The following SGCD variants were observed in gnomAD, a reference collection of about 807,000 sequenced individuals.
The protein encoded by SGCD is delta-sarcoglycan.
SGCD carries 18 observed loss-of-function variants against 36.6 expected under a neutral mutation model. The ratio of observed to expected loss-of-function variants is 0.49; its 90% CI spans 0.34 to 0.73. The LOEUF is 0.73. SGCD is among the 30% of genes least tolerant of loss of function. The pLI, the probability that SGCD is intolerant of heterozygous loss-of-function variation, is 0.01. For missense variants in SGCD, 387 were observed against 346.7 expected (o/e 1.12, Z -0.92); for synonymous variants, 133 against 130.6 (o/e 1.02, Z -0.12).
chr5:156,605,963 A>T (rs1163186694), intron 6 of SGCD, among the ~76,000 whole-genome samples: 1 of 152,176 alleles, frequency 6.6e-6, no homozygotes, highest in African/African-American at 2.4e-5. Flanking sequence ...TCAGATGAGT[A>T]GATTGCAAAT....
chr5:156,117,349 T>A (rs535731692), intron 1 of SGCD, among the ~76,000 whole-genome samples: 1 of 152,224 alleles, frequency 6.6e-6, no homozygotes, highest in South Asian at 2.1e-4. Context: ...ATTGTATTAA[T>A]TCAAGTCCCC....
chr5:156,080,238 C>T (rs546027430), intron 1 of SGCD, among the ~76,000 whole-genome samples: 1 of 152,190 alleles, frequency 6.6e-6, no homozygotes, highest in Non-Finnish European at 1.5e-5. Flanking sequence ...AGTGCAGTGG[C>T]ACCCCAGGCC....
chr5:156,561,091 T>C (rs771983650), intron 4 of SGCD, among the ~76,000 whole-genome samples: 2 of 152,194 alleles, frequency 1.3e-5, no homozygotes, highest in East Asian at 1.9e-4. Context: ...ATGAAGGATA[T>C]GATTGAATTC....
intron 3 of SGCD, among the ~76,000 whole-genome samples, chr5:156,345,707 G>A (rs543377402): frequency 1.3e-5 from 2 of 151,886 alleles, no homozygotes; most frequent in Admixed American, 6.6e-5. Context: ...AACAAACCAA[G>A]AAACAAACCA....
At chr5:156,123,827 G>C (rs1762107615) in intron 2 of SGCD, 1 of 151,914 alleles carries the variant, frequency 6.6e-6, no homozygotes, top group African/African-American at 2.4e-5. Context: ...TTTCTTTATG[G>C]ACATTGTCTT....
At chr5:156,177,194 G>A (rs1763496208) in intron 3 of SGCD, among the ~76,000 whole-genome samples, 2 of 151,930 alleles carry the variant, frequency 1.3e-5, no homozygotes, top group African/African-American at 4.8e-5. Flanking sequence ...TAGAGACGGG[G>A]TTTTACCATG....
chr5:155,782,026 C>CT, the SGCD span, among the ~76,000 whole-genome samples: 188 of 122,914 alleles, frequency 1.5e-3, 1 homozygote, highest in South Asian at 3.3e-3. Context: ...TTTTTCTTTT[C>CT]TTTTTTTTTT....
intron 3 of SGCD, among the ~76,000 whole-genome samples, chr5:156,275,315 G>T (rs1161631793): frequency 6.6e-6 from 1 of 152,040 alleles, no homozygotes; most frequent in Non-Finnish European, 1.5e-5. Flanking sequence ...AAAATGCCAG[G>T]ATTTCTATGT....
chr5:156,719,502 G>A (rs1261296789), intron 7 of SGCD, among the ~76,000 whole-genome samples: 2 of 152,116 alleles, frequency 1.3e-5, no homozygotes, highest in Non-Finnish European at 2.9e-5. Flanking sequence ...ATTAGAGATT[G>A]TAACCTGAAT....
chr5:155,769,487 A>G, the SGCD span, among the ~76,000 whole-genome samples: 4 of 151,968 alleles, frequency 2.6e-5, no homozygotes, highest in Non-Finnish European at 5.9e-5. Context: ...GAGGGAGAAC[A>G]TGCCAGAGGA....
chr5:156,223,192 A>G (rs1764762028), intron 3 of SGCD, among the ~76,000 whole-genome samples: 1 of 152,104 alleles, frequency 6.6e-6, no homozygotes, highest in Non-Finnish European at 1.5e-5. Context: ...CAAAGGAAGT[A>G]AGGACTTCTG....
At chr5:156,313,749 G>A (rs1272472358) in intron 3 of SGCD, among the ~76,000 whole-genome samples, 4 of 152,004 alleles carry the variant, frequency 2.6e-5, no homozygotes, top group Admixed American at 6.6e-5. Context: ...TGCTGAAGTG[G>A]TAGGTATCTC....
At chr5:155,928,035 T>C (rs907022751) in intron 1 of SGCD, among the ~76,000 whole-genome samples, 10 of 152,226 alleles carry the variant, frequency 6.6e-5, no homozygotes, top group Non-Finnish European at 1.2e-4. Context: ...TGCAGCATTA[T>C]AGAATGAAAT....
intron 7 of SGCD, among the ~76,000 whole-genome samples, chr5:156,651,238 C>A (rs192304590): frequency 5.5e-4 from 84 of 152,136 alleles, no homozygotes; most frequent in African/African-American, 2.0e-3. Flanking sequence ...ATAATATTTT[C>A]TTCCATTTTG....
At chr5:156,702,607 T>C (rs1754569845) in intron 7 of SGCD, among the ~76,000 whole-genome samples, 1 of 152,192 alleles carries the variant, frequency 6.6e-6, no homozygotes, top group Admixed American at 6.5e-5. Context: ...CCAAGTCAAA[T>C]GGCTTTATAC....
chr5:155,736,642 C>T, the SGCD span, among the ~76,000 whole-genome samples: 1 of 152,184 alleles, frequency 6.6e-6, no homozygotes, highest in Non-Finnish European at 1.5e-5. Context: ...TATCTTCTCA[C>T]CTTTTAATGG....
At chr5:156,071,678 G>T (rs1373442147) in intron 1 of SGCD, among the ~76,000 whole-genome samples, 1 of 152,134 alleles carries the variant, frequency 6.6e-6, no homozygotes, top group African/African-American at 2.4e-5. Flanking sequence ...TCAATTCCTG[G>T]ATATCCTTGT....
chr5:156,567,605 C>A (rs1037896389), intron 4 of SGCD, among the ~76,000 whole-genome samples: 3 of 152,114 alleles, frequency 2.0e-5, no homozygotes, highest in Admixed American at 1.3e-4. Flanking sequence ...TCAACTGAAT[C>A]TATGAGGCCT....
intron 1 of SGCD, among the ~76,000 whole-genome samples, chr5:156,030,958 C>G (rs949929924): frequency 3.9e-5 from 6 of 152,076 alleles, no homozygotes; most frequent in African/African-American, 1.4e-4. Flanking sequence ...GAAAATGAGC[C>G]TGAAAAAGTA....
Sources: gnomAD v4.1 joint callset for allele counts (sites outside exome capture counted in the v4.1 genomes callset) on GRCh38, gnomAD v4.1.1 for gene constraint, MANE v1.5 for transcripts, NCBI Gene and HGNC (gene_info 2026-07-23, HGNC 2026-07-21) for gene names.